ARPP21: variants seen among roughly 807,000 people sequenced by gnomAD.
The protein encoded by ARPP21 is cAMP regulated phosphoprotein 21, also known as cAMP-regulated phosphoprotein 21.
Under a neutral mutation model 113.2 loss-of-function variants are expected in ARPP21, and 69 were observed. The ratio of observed to expected loss-of-function variants is 0.61; its 90% CI spans 0.50 to 0.74. The LOEUF is 0.74. Among genes scored for constraint, ARPP21 ranks in the 30% least tolerant of loss-of-function variants. The pLI is 0.00. For missense variants in ARPP21, 1,070 were observed against 1,037.4 expected, an observed-to-expected ratio of 1.03 and a Z score of -0.43; for synonymous variants, 368 against 375.5, an observed-to-expected ratio of 0.98 and a Z score of 0.23.
intron 1 of ARPP21, chr3:35,678,735 C>T (rs527284834): frequency 6.6e-6 from 1 of 151,874 alleles, no homozygotes; most frequent in Non-Finnish European, 1.5e-5. Flanking sequence ...CTGTAAGGAA[C>T]CAGCTGTGCT....
intron 17 of ARPP21, among the ~76,000 whole-genome samples, chr3:35,738,682 C>T (rs1384556368): frequency 6.6e-6 from 1 of 152,180 alleles, no homozygotes; most frequent in African/African-American, 2.4e-5. Flanking sequence ...CATTATCACC[C>T]TATGCTCCTG....
At position 35,790,547 on chromosome 3, in the gene ARPP21, T is replaced by C. The variant is rs146075002; in HGVS notation, c.2138-1835T>C. Among the ~76,000 whole-genome samples the C allele has an allele frequency of 2.3e-3, 352 of 152,344 alleles. 1 individual carries two copies. Among genetic ancestry groups the C allele is most frequent in the African/African-American group, 8.2e-3 (339 of 41,576 alleles). On this transcript the variant is annotated intron_variant, in intron 19 of 20. Transcript: ENST00000684406. ...AAAATAATTTTCTCTCAAGTCTCTC[T>C]GCAAATGAGAACAGAGAAGTAGAAG... is the stretch of plus-strand genomic sequence containing the variant.
intron 19 of ARPP21, among the ~76,000 whole-genome samples, chr3:35,753,101 T>C (rs992620716): frequency 1.3e-5 from 2 of 150,966 alleles, no homozygotes; most frequent in African/African-American, 4.9e-5. Context: ...AAAGAGAGAA[T>C]ATTCATTTTA....
chr3:35,675,449 A>G (rs1482623430), intron 1 of ARPP21, among the ~76,000 whole-genome samples: 1 of 151,836 alleles, frequency 6.6e-6, no homozygotes, highest in Non-Finnish European at 1.5e-5. Flanking sequence ...CCTTATCTGT[A>G]GCAGAAATAT....
At chr3:35,768,611 A>G (rs1164968942) in intron 19 of ARPP21, among the ~76,000 whole-genome samples, 4 of 152,180 alleles carry the variant, frequency 2.6e-5, no homozygotes, top group Non-Finnish European at 4.4e-5. Context: ...GATTGCTTCT[A>G]TAAGGAATCC....
At chr3:35,646,842 G>T (rs1559505292) in intron 1 of ARPP21, among the ~76,000 whole-genome samples, 1 of 152,078 alleles carries the variant, frequency 6.6e-6, no homozygotes, top group Non-Finnish European at 1.5e-5. Flanking sequence ...TTTGGAAATT[G>T]TCAAACAACT....
chr3:35,700,641 T>A (rs956492501), intron 9 of ARPP21, among the ~76,000 whole-genome samples: 9 of 151,810 alleles, frequency 5.9e-5, no homozygotes, highest in Middle Eastern at 3.4e-3. Flanking sequence ...AAATCACTCA[T>A]CATCAGTTCA....
intron 1 of ARPP21, among the ~76,000 whole-genome samples, chr3:35,672,338 G>A (rs12330742): frequency 0.029 from 4,406 of 152,080 alleles, 218 homozygotes; most frequent in African/African-American, 0.098. Context: ...AGCTTAACAA[G>A]ACCAAAACCT....
At chr3:35,666,901 G>GTGGTTCT (rs1416493322) in intron 1 of ARPP21, among the ~76,000 whole-genome samples, 1 of 152,128 alleles carries the variant, frequency 6.6e-6, no homozygotes, top group Non-Finnish European at 1.5e-5. Flanking sequence ...ACTATCCCCT[G>GTGGTTCT]TGGTTCTACC....
intron 5 of ARPP21, chr3:35,685,106 C>T: frequency 1.0e-6 from 1 of 985,336 alleles, no homozygotes; most frequent in South Asian, 4.7e-5. Context: ...CCCCAGTTGT[C>T]CCCCACTCCT....
intron 1 of ARPP21, among the ~76,000 whole-genome samples, chr3:35,660,789 C>G (rs1482205640): frequency 4.6e-5 from 7 of 152,042 alleles, no homozygotes; most frequent in African/African-American, 1.7e-4. Context: ...CTCTCTTTAT[C>G]TTACTGGATG....
Position 35,681,792 on chromosome 3 carries a change from A to G in ARPP21, c.41A>G (p.Glu14Gly). ...QGDLNQAIAE[E>G]GGTEQETATP... Reference sequence around the variant, plus strand: ...GACCTGAATCAGGCAATAGCAGAGGAAGGAGGGACTGAGCAGGAGACGGCC... The same window carrying G: ...GACCTGAATCAGGCAATAGCAGAGGGAGGAGGGACTGAGCAGGAGACGGCC... The change falls in exon 3 of 21, where the codon GAA becomes GGA. Residue 14 changes from glutamate (E) to glycine (G), a missense_variant. Coordinates refer to ENST00000684406, the MANE Select transcript of ARPP21 (RefSeq NM_001385562.1). The G allele has an allele frequency of 1.2e-6, 2 of 1,611,708 alleles. No homozygotes were observed. The highest frequency in any genetic ancestry group is 1.7e-6 in the Non-Finnish European group (2 of 1,178,438).
chr3:35,683,929 A>C, intron 5 of ARPP21, 114 bp downstream of exon 5: 2 of 1,036,730 alleles, frequency 1.9e-6, no homozygotes, highest in Admixed American at 1.8e-5. Context: ...ATTGAAGAAA[A>C]TAATTCATTT....
chr3:35,678,958 C>G (rs1468653995), intron 1 of ARPP21: 1 of 151,930 alleles, frequency 6.6e-6, no homozygotes. Flanking sequence ...ATTAGGAGCC[C>G]GTCTCTGTGT....
intron 11 of ARPP21, among the ~76,000 whole-genome samples, chr3:35,711,708 A>C (rs915811470): frequency 2.6e-5 from 4 of 152,122 alleles, no homozygotes; most frequent in East Asian, 1.9e-4. Context: ...ACTCTCTTAC[A>C]TGATTATTGG....
At chr3:35,786,415 A>G (rs1050011208) in intron 19 of ARPP21, among the ~76,000 whole-genome samples, 2 of 151,824 alleles carry the variant, frequency 1.3e-5, no homozygotes, top group African/African-American at 4.8e-5. Context: ...CCAGCTACTT[A>G]GGAGGCTGAG....
chr3:35,759,275 T>C (rs9311109), intron 19 of ARPP21, among the ~76,000 whole-genome samples: 19,264 of 152,100 alleles, frequency 0.13, 1,338 homozygotes, highest in Non-Finnish European at 0.15. Context: ...ATGCTCGCTA[T>C]GCCTAGGAAA....
At chr3:35,697,316 G>A (rs928495934) in intron 9 of ARPP21, among the ~76,000 whole-genome samples, 4 of 151,576 alleles carry the variant, frequency 2.6e-5, no homozygotes, top group African/African-American at 4.8e-5. Context: ...AATAGTGGCC[G>A]ACAGGCATTG....
chr3:35,769,787 C>T lies in ARPP21; in HGVS notation c.2138-22595C>T, dbSNP rs539697873. ...CCCTGCATAGAAAAGAACACATTCC[C>T]GTAACTAAAGCCATACTATCTTGCT... On this transcript the variant is annotated intron_variant, in intron 19 of 20. Coordinates refer to ENST00000684406, the MANE Select transcript of ARPP21 (RefSeq NM_001385562.1). Among the ~76,000 whole-genome samples, 9 of 152,220 alleles carry T rather than the reference C, an allele frequency of 5.9e-5. No homozygotes were observed. In the East Asian group the frequency reaches 1.5e-3, roughly 26 times the overall value.
Sources: gnomAD v4.1 joint callset for allele counts (sites outside exome capture counted in the v4.1 genomes callset) on GRCh38, gnomAD v4.1.1 for gene constraint, MANE v1.5 for transcripts, NCBI Gene and HGNC (gene_info 2026-07-23, HGNC 2026-07-21) for gene names.